HERC1: variants seen among roughly 807,000 people sequenced by gnomAD.
HERC1 encodes the protein probable E3 ubiquitin-protein ligase HERC1.
Under a neutral mutation model 554.3 loss-of-function variants are expected in HERC1, and 160 were observed. That is an observed-to-expected ratio of 0.29 (90% CI 0.25 to 0.33). The LOEUF (loss-of-function observed/expected upper bound fraction) is 0.33, where lower values mean the gene tolerates loss of function less well. Among genes scored for constraint, HERC1 ranks in the 10% least tolerant of loss-of-function variants. The pLI is 1.00. For missense variants in HERC1, 4,919 were observed against 5,918.5 expected, an observed-to-expected ratio of 0.83 and a Z score of 5.54; for synonymous variants, 2,175 against 2,131.7, an observed-to-expected ratio of 1.02 and a Z score of -0.56.
intron 33 of HERC1, among the ~76,000 whole-genome samples, chr15:63,689,266 A>G (rs1033159847): frequency 1.3e-5 from 2 of 152,274 alleles, no homozygotes; most frequent in Non-Finnish European, 2.9e-5. Context: ...ACTTTGATAC[A>G]AGATAAATGG....
chr15:63,793,219 G>C (rs145394094), intron 1 of HERC1, among the ~76,000 whole-genome samples: 55 of 152,254 alleles, frequency 3.6e-4, no homozygotes, highest in African/African-American at 1.3e-3. Flanking sequence ...CAGGAGGTTA[G>C]GCATTCTAAA....
At chr15:63,738,466 G>A (rs1056016051) in intron 12 of HERC1, among the ~76,000 whole-genome samples, 1 of 152,050 alleles carries the variant, frequency 6.6e-6, no homozygotes, top group African/African-American at 2.4e-5. Flanking sequence ...GGTTATGTAA[G>A]ACATTAACAT....
rs1163715295 is a variant in HERC1, at chr15:63,686,352, T to C, written c.6225+7A>G. On this transcript the variant is annotated splice_region_variant and intron_variant, in intron 34 of 77. Transcript: ENST00000443617. The stretch of plus-strand genomic sequence containing the variant: ...AAATGCTAAAAACTATTAGATTTTC[T>C]ACGTACCTTCCACTGATAGCACCCA... 6.3e-7 allele frequency: 1 copy of C among 1,582,978 alleles called. No individual in the cohort carries two copies. The highest frequency in any genetic ancestry group is 8.6e-7 in the Non-Finnish European group (1 of 1,168,952).
chr15:63,725,314 T>C lies in HERC1; in HGVS notation c.3546A>G (p.Val1182=), dbSNP rs370736461. 1.8e-5 allele frequency: 29 copies of C among 1,613,802 alleles called. No homozygotes were observed. Among genetic ancestry groups the C allele is most frequent in the Non-Finnish European group, 1.8e-5 (21 of 1,179,826 alleles). ...TACCCAATTGAGGAGTGTCCATTTCTACACCGTCACTGAACAGTGGCGTTT... is the reference window on the plus strand; with the variant it reads ...TACCCAATTGAGGAGTGTCCATTTCCACACCGTCACTGAACAGTGGCGTTT... ...WMKTPLFSDG[V]EMDTPQLDKC... is the part of the protein sequence containing the mutation. Residue 1182 remains valine, a synonymous_variant, in exon 18 of 78, where the codon GTA becomes GTG. Transcript: ENST00000443617.
chr15:63,648,602 T>C (rs1222870043), intron 54 of HERC1, among the ~76,000 whole-genome samples: 2 of 152,244 alleles, frequency 1.3e-5, no homozygotes, highest in Non-Finnish European at 2.9e-5. Flanking sequence ...TATTTAATAT[T>C]CCCTATTCAG....
chr15:63,640,873 C>G (rs1338891240), intron 60 of HERC1, among the ~76,000 whole-genome samples: 1 of 152,160 alleles, frequency 6.6e-6, no homozygotes, highest in Non-Finnish European at 1.5e-5. Context: ...CCACAGAGAT[C>G]TGCTCTTCTC....
At chr15:63,747,179 G>A (rs1414401075) in intron 11 of HERC1, 96 bp from the exon 12 acceptor site, 1 of 1,154,380 alleles carries the variant, frequency 8.7e-7, no homozygotes, top group Admixed American at 2.3e-5. Flanking sequence ...AATTTTGTTG[G>A]CTAGGTGCGG....
At chr15:63,624,106 T>A in intron 72 of HERC1, 52 bp downstream of exon 72, 5 of 1,483,976 alleles carry the variant, frequency 3.4e-6, no homozygotes, top group Non-Finnish European at 4.6e-6. Flanking sequence ...AGTAATAACA[T>A]CCATCTGAAA....
rs1474327223 is a variant in HERC1, at chr15:63,672,483, T to G, written c.8045+13A>C. On this transcript the variant is annotated intron_variant, in intron 39 of 77. Coordinates refer to ENST00000443617, the MANE Select transcript of HERC1 (RefSeq NM_003922.4). ...GCATCAGTATGGCAGACATTAAAGGTCAACTTCTCTACCTGAGAAGACTAA... is the reference window on the plus strand; with the variant it reads ...GCATCAGTATGGCAGACATTAAAGGGCAACTTCTCTACCTGAGAAGACTAA... 1.3e-6 allele frequency: 2 copies of G among 1,567,628 alleles called. No individual in the cohort carries two copies. The highest frequency in any genetic ancestry group is 4.7e-5 in the East Asian group (2 of 42,852).
chr15:63,689,491 G>T, intron 33 of HERC1, 98 bp downstream of exon 33: 1 of 627,916 alleles, frequency 1.6e-6, no homozygotes, highest in South Asian at 2.1e-5. Flanking sequence ...TGGAATAAAT[G>T]ATAGAGCAAG....
chr15:63,612,123 G>A lies in HERC1; in HGVS notation c.14400+128C>T. On this transcript the variant is annotated intron_variant, in intron 77 of 77. Coordinates refer to ENST00000443617, the MANE Select transcript of HERC1 (RefSeq NM_003922.4). The surrounding 1 kb of genome is among the most constrained non-coding windows in gnomAD (Gnocchi z 5.0). The stretch of plus-strand genomic sequence containing the variant: ...GAACTGCTTGAAGCTAGGAAGCGGA[G>A]GTTGCAGTAAGCTAAAATCATGCCA... 8.9e-6 allele frequency: 7 copies of A among 785,312 alleles called. No individual in the cohort carries two copies. The highest frequency in any genetic ancestry group is 1.9e-5 in the South Asian group (1 of 52,240). The allele number at this position is 785,312 out of a possible 1,614,324, so 48.6% of individuals were successfully genotyped here.
At chr15:63,774,590 C>A (rs1221716750) in intron 2 of HERC1, 104 bp downstream of exon 2, 1 of 840,436 alleles carries the variant, frequency 1.2e-6, no homozygotes, top group Non-Finnish European at 1.8e-6. Flanking sequence ...TCAACAATCA[C>A]CAAAAGTCTC....
At position 63,612,407 on chromosome 15, in the gene HERC1, A is replaced by G. The variant is rs201870026; in HGVS notation, c.14244T>C (p.Asp4748=). The G allele has an allele frequency of 2.5e-4, 397 of 1,614,006 alleles. No homozygotes were observed. Among genetic ancestry groups the G allele is most frequent in the Admixed American group, 8.2e-4 (49 of 60,018 alleles). The part of the protein sequence containing the change: ...LKKVVRYREV[D]EQHQLVQWFW... ...ACCACTGCACCAGCTGATGCTGCTC[A>G]TCCACCTCACGGTACCGCACCACTT... The change falls in exon 77 of 78, where the codon GAT becomes GAC. Residue 4748 remains aspartate, a synonymous_variant. Transcript: ENST00000443617. This position sits in a 1 kb window ranked among gnomAD's most constrained non-coding sequence, Gnocchi z 5.0.
rs1309814539 is a variant in HERC1, at chr15:63,754,754, A to AT, written c.1631-107dup. The AT allele has an allele frequency of 4.5e-6, 5 of 1,105,172 alleles. No homozygotes were observed. In the African/African-American group the frequency reaches 4.7e-5, roughly 10 times the overall value. The allele number at this position is 1,105,172 out of a possible 1,614,324, so 68.5% of individuals were successfully genotyped here. A position where few individuals can be genotyped will look rare whatever the true frequency, so the allele number is the denominator to read the frequency against. ...GTTACAACTTTAAAATAGAATTGAG[A>AT]TTTTTTTAATGCAATGCAATATGAA... On this transcript the variant is annotated intron_variant, in intron 6 of 77. Transcript: ENST00000443617.
intron 1 of HERC1, among the ~76,000 whole-genome samples, chr15:63,814,200 C>T (rs1461189276): frequency 5.9e-5 from 9 of 152,160 alleles, no homozygotes; most frequent in Admixed American, 5.2e-4. Flanking sequence ...CATAATTTAA[C>T]AATGATTATT....
In HERC1 at chr15:63,755,329, C is replaced by T; in HGVS notation, c.1534-4G>A. 1.9e-6 allele frequency: 3 copies of T among 1,606,144 alleles called. No homozygotes were observed. The highest frequency in any genetic ancestry group is 2.6e-6 in the Non-Finnish European group (3 of 1,172,796). On this transcript the variant is annotated splice_polypyrimidine_tract_variant and splice_region_variant and intron_variant, in intron 5 of 77. Transcript: ENST00000443617. ...CAGCTGACACACAAACAACTACCTG[C>T]ATTGCACACAAGTAAATACGATGAG...
intron 3 of HERC1, among the ~76,000 whole-genome samples, chr15:63,759,024 C>A (rs993691428): frequency 1.3e-5 from 2 of 152,074 alleles, no homozygotes; most frequent in African/African-American, 4.8e-5. Context: ...AGTAATCATA[C>A]CTGGCTCCAC....
chr15:63,708,633 T>C (rs1227396605), intron 24 of HERC1, among the ~76,000 whole-genome samples: 1 of 152,224 alleles, frequency 6.6e-6, no homozygotes, highest in Non-Finnish European at 1.5e-5. Flanking sequence ...TAACACGTCA[T>C]ATAATACATT....
intron 74 of HERC1, among the ~76,000 whole-genome samples, chr15:63,621,844 G>A (rs1422064330): frequency 1.3e-5 from 2 of 152,062 alleles, no homozygotes; most frequent in Non-Finnish European, 2.9e-5. Flanking sequence ...GCTCCATCAG[G>A]TCCTTTAAGG....
Sources: allele counts gnomAD v4.1 joint callset (sites outside exome capture counted in the v4.1 genomes callset), GRCh38; gene constraint gnomAD v4.1.1; non-coding constraint Gnocchi (gnomAD v3.1); transcripts MANE v1.5; gene names NCBI Gene and HGNC (gene_info 2026-07-23, HGNC 2026-07-21).